ZNF772: variants seen among roughly 807,000 people sequenced by gnomAD.
ZNF772 encodes the protein zinc finger protein 772.
A neutral mutation model predicts 11.0 loss-of-function variants in ZNF772; 8 were observed. The observed-to-expected ratio is 0.73, with a 90% CI of 0.43 to 1.31. ZNF772 has a LOEUF of 1.31. ZNF772 is among the 50% of genes most tolerant of loss of function. ZNF772 has a pLI of 0.01. For synonymous variants in ZNF772, 155 were observed against 180.4 expected, an observed-to-expected ratio of 0.86 and a Z score of 1.13; for missense variants, 496 against 552.3, an observed-to-expected ratio of 0.90 and a Z score of 1.02.
At position 57,475,171 on chromosome 19, in the gene ZNF772, G is replaced by C. The variant is rs750218631; in HGVS notation, c.199+489C>G. The C allele has an allele frequency of 6.2e-7, 1 of 1,613,482 alleles. No homozygotes were observed. Among genetic ancestry groups the C allele is most frequent in the Non-Finnish European group, 8.5e-7 (1 of 1,179,670 alleles). ...CCTAAGGGAAAGATAGAACAGCACT[G>C]GTCTGGGTAACCCATATAGAAAACT... On this transcript the variant is annotated intron_variant, in intron 3 of 3. Coordinates refer to ENST00000356584, the MANE Select transcript of ZNF772 (RefSeq NM_001144068.2). The surrounding 1 kb of genome is among the most constrained non-coding windows in gnomAD (Gnocchi z 4.2).
chr19:57,475,836 C>T lies in ZNF772; in HGVS notation c.73-50G>A. ...CCATGAGCAGCATCTCTCCCAAGAA[C>T]CCCCATCCGTGCCCCCACACATCTC... On this transcript the variant is annotated intron_variant, in intron 2 of 3. Coordinates refer to ENST00000356584, the MANE Select transcript of ZNF772 (RefSeq NM_001144068.2). The surrounding 1 kb of genome is among the most constrained non-coding windows in gnomAD (Gnocchi z 4.2). The T allele has an allele frequency of 6.4e-7, 1 of 1,554,878 alleles. No individual in the cohort carries two copies. Among genetic ancestry groups the T allele is most frequent in the African/African-American group, 1.4e-5 (1 of 73,232 alleles).
chr19:57,473,933 A>G lies in ZNF772; in HGVS notation c.688T>C (p.Cys230Arg). 1 of 1,614,202 alleles carries G rather than the reference A, an allele frequency of 6.2e-7. No individual in the cohort carries two copies. The highest frequency in any genetic ancestry group is 8.5e-7 in the Non-Finnish European group (1 of 1,180,036). The change falls in exon 4 of 4, where the codon TGT (cysteine) becomes CGT (arginine). Residue 230 changes from cysteine (C) to arginine (R), a missense_variant. Physicochemically the swap from Cys to Arg is radical, Grantham distance 180. Coordinates refer to ENST00000356584, the MANE Select transcript of ZNF772 (RefSeq NM_001144068.2). ...CGKRHYKCSECGKTFSRKDSL... is the reference protein window; with the variant it reads ...CGKRHYKCSERGKTFSRKDSL... ...TCTTTGCGGCTGAAGGTTTTCCCAC[A>G]TTCACTGCATTTGTAATGCCTTTTT...
Position 57,474,484 on chromosome 19 carries a change from T to A in ZNF772, c.200-63A>T. On this transcript the variant is annotated intron_variant, in intron 3 of 3. Transcript: ENST00000356584. ...ACAGGTGGAAGAGGGGAAGCCTCAC[T>A]ACAAATATGTGTCTAACACAACTAA... is the stretch of plus-strand genomic sequence containing the variant. The A allele has an allele frequency of 4.0e-6, 6 of 1,499,782 alleles. No individual in the cohort carries two copies. In the South Asian group the frequency reaches 7.5e-5, roughly 19 times the overall value. 92.9% of individuals were successfully genotyped at this position (1,499,782 alleles called of 1,614,324 possible). A position where few individuals can be genotyped will look rare whatever the true frequency, so the allele number is the denominator to read the frequency against.
Position 57,475,230 on chromosome 19 carries a change from T to C in ZNF772, c.199+430A>G. Reference sequence around the variant, plus strand: ...TTAAAATAATCTCAGAGTAAGGTCTTGCAGGAATAGTGCAGTGGTCCTAGC... The same window carrying C: ...TTAAAATAATCTCAGAGTAAGGTCTCGCAGGAATAGTGCAGTGGTCCTAGC... On this transcript the variant is annotated intron_variant, in intron 3 of 3. Coordinates refer to ENST00000356584, the MANE Select transcript of ZNF772 (RefSeq NM_001144068.2). This position sits in a 1 kb window ranked among gnomAD's most constrained non-coding sequence, Gnocchi z 4.2. 1.3e-6 allele frequency: 2 copies of C among 1,537,418 alleles called. No individual in the cohort carries two copies. The highest frequency in any genetic ancestry group is 1.8e-6 in the Non-Finnish European group (2 of 1,131,204).
Position 57,473,405 on chromosome 19 carries a change from G to T in ZNF772, c.1216C>A (p.His406Asn). ...SECGKAFSHK[H>N]VLVQHHRIHT... ...ATTCTATGATGCTGAACAAGTACAT[G>T]TTTGTGGCTAAAGGCTTTTCCACAT... The change falls in exon 4 of 4, where the codon CAT (histidine) becomes AAT (asparagine). Residue 406 changes from histidine to asparagine, a missense_variant. Transcript: ENST00000356584. 5 of 1,613,366 alleles carry T rather than the reference G, an allele frequency of 3.1e-6. No individual in the cohort carries two copies. Among genetic ancestry groups the T allele is most frequent in the Non-Finnish European group, 4.2e-6 (5 of 1,179,840 alleles).
chr19:57,474,356 G>C lies in ZNF772; in HGVS notation c.265C>G (p.Gln89Glu). ...GGACCTCCCTTGGGAATCCTGATCT[G>C]TGACATTCCTATAGAAAAGCTCTGC... ...FEQSFSIGMS[Q>E]IRIPKGGPST... Residue 89 changes from glutamine to glutamate, a missense_variant, in exon 4 of 4, where the codon CAG becomes GAG. By Grantham distance (29) the Gln-to-Glu change is conservative. Coordinates refer to ENST00000356584, the MANE Select transcript of ZNF772 (RefSeq NM_001144068.2). 1 of 1,613,230 alleles carries C rather than the reference G, an allele frequency of 6.2e-7. No individual in the cohort carries two copies. Among genetic ancestry groups the C allele is most frequent in the Non-Finnish European group, 8.5e-7 (1 of 1,180,032 alleles).
At position 57,470,013 on chromosome 19, in the gene ZNF772, T is replaced by C. The variant is rs1188301885; in HGVS notation, c.*3261A>G. 1 of 152,094 alleles carries C rather than the reference T, an allele frequency of 6.6e-6. No homozygotes were observed. Among genetic ancestry groups the C allele is most frequent in the Non-Finnish European group, 1.5e-5 (1 of 68,022 alleles). 9.4% of individuals were successfully genotyped at this position (152,094 alleles called of 1,614,324 possible). On this transcript the variant is annotated 3_prime_UTR_variant, in exon 4 of 4. Transcript: ENST00000356584. ...ATATTTAGGAATTAAATAACATACA[T>C]TTAAAAAGAGCCATGTGTCAAGAAG...
rs1481815069 is a variant in ZNF772, at chr19:57,474,032, A to C, written c.589T>G (p.Phe197Val). Residue 197 changes from phenylalanine to valine, a missense_variant, in exon 4 of 4, where the codon TTC becomes GTC. Coordinates refer to ENST00000356584, the MANE Select transcript of ZNF772 (RefSeq NM_001144068.2). The stretch of plus-strand genomic sequence containing the variant: ...TCATTGTGAGGGGCATGGTGCTCGA[A>C]AATGCTTGAGCTGGCTAGGAAGTCC... ...CKDFLASSSI[F>V]EHHAPHNEWK... The C allele has an allele frequency of 6.2e-6, 10 of 1,613,998 alleles. No individual in the cohort carries two copies. Among genetic ancestry groups the C allele is most frequent in the Middle Eastern group, 1.6e-4 (1 of 6,084 alleles).
chr19:57,477,082 T>C (rs561426141), intron 1 of ZNF772, among the ~76,000 whole-genome samples, 195 bp downstream of exon 1: 1 of 151,968 alleles, frequency 6.6e-6, no homozygotes, highest in Non-Finnish European at 1.5e-5. Context: ...GAACCATCTC[T>C]GAGCCTTTGC....
chr19:57,470,388 G>C lies in ZNF772; in HGVS notation c.*2886C>G, dbSNP rs2089200864. On this transcript the variant is annotated 3_prime_UTR_variant, in exon 4 of 4. Coordinates refer to ENST00000356584, the MANE Select transcript of ZNF772 (RefSeq NM_001144068.2). ...AAAAAAAAAAATGAAACCACATCAA[G>C]CTTGATGGGAGGTAATTAAAGCAGT... The C allele has an allele frequency of 6.6e-6, 1 of 151,960 alleles. No individual in the cohort carries two copies. Among genetic ancestry groups the C allele is most frequent in the African/African-American group, 2.4e-5 (1 of 41,362 alleles). The allele number at this position is 151,960 out of a possible 1,614,324, so 9.4% of individuals were successfully genotyped here.
In ZNF772 at chr19:57,471,286, G is replaced by A. The variant is rs1484502136; in HGVS notation, c.*1988C>T. ...CAAGCAAGCAAGAAAGAAAGTTAGG[G>A]ACAAATATCACTCGTGAACATTGGT... On this transcript the variant is annotated 3_prime_UTR_variant, in exon 4 of 4. Transcript: ENST00000356584. The A allele has an allele frequency of 6.6e-6, 1 of 151,948 alleles. No homozygotes were observed. The highest frequency in any genetic ancestry group is 1.5e-5 in the Non-Finnish European group (1 of 67,992). The allele number at this position is 151,948 out of a possible 1,614,324, so 9.4% of individuals were successfully genotyped here. A position where few individuals can be genotyped will look rare whatever the true frequency, so the allele number is the denominator to read the frequency against.
Position 57,473,488 on chromosome 19 carries a change from G to C in ZNF772, c.1133C>G (p.Ser378Cys). ...AACTCTTTGATGTGCAATAAGGTCA[G>C]AGCTTTGGCTAAAGAACTTCCCACA... The part of the protein sequence containing the change: ...IACGKFFSQS[S>C]DLIAHQRVHN... Residue 378 changes from serine (S) to cysteine (C), a missense_variant, in exon 4 of 4, where the codon TCT becomes TGT. Physicochemically the swap from Ser to Cys is moderately radical, Grantham distance 112. Transcript: ENST00000356584. 3 of 1,614,236 alleles carry C rather than the reference G, an allele frequency of 1.9e-6. No individual in the cohort carries two copies. Among genetic ancestry groups the C allele is most frequent in the Non-Finnish European group, 2.5e-6 (3 of 1,180,048 alleles).
Position 57,473,448 on chromosome 19 carries a change from C to A in ZNF772, c.1173G>T (p.Lys391Asn), listed in dbSNP as rs543649591. ...IAHQRVHNGE[K>N]PYVCSECGKA... ...TTCCACATTCACTGCACACATAAGG[C>A]TTTTCACCATTATGAACTCTTTGAT... Residue 391 changes from lysine (K) to asparagine (N), a missense_variant, in exon 4 of 4, where the codon AAG (lysine) becomes AAT (asparagine). Transcript: ENST00000356584. 6.2e-7 allele frequency: 1 copy of A among 1,614,038 alleles called. No individual in the cohort carries two copies. Among genetic ancestry groups the A allele is most frequent in the African/African-American group, 1.3e-5 (1 of 74,914 alleles).
In ZNF772 at chr19:57,475,794, A is replaced by G; in HGVS notation, c.73-8T>C. ...CTCAAAGTTCACCTGCCCCTGCCACAATCAGGAGAGCCAAGTCCATGAGCA... is the reference window on the plus strand; with the variant it reads ...CTCAAAGTTCACCTGCCCCTGCCACGATCAGGAGAGCCAAGTCCATGAGCA... On this transcript the variant is annotated splice_polypyrimidine_tract_variant and splice_region_variant and intron_variant, in intron 2 of 3. Transcript: ENST00000356584. This position sits in a 1 kb window ranked among gnomAD's most constrained non-coding sequence, Gnocchi z 4.2. 1 of 1,591,426 alleles carries G rather than the reference A, an allele frequency of 6.3e-7. No individual in the cohort carries two copies. Among genetic ancestry groups the G allele is most frequent in the Non-Finnish European group, 8.6e-7 (1 of 1,169,124 alleles).
intron 2 of ZNF772, 197 bp downstream of exon 2, chr19:57,476,437 C>T (rs1043170811): frequency 1.7e-5 from 11 of 637,220 alleles, no homozygotes; most frequent in Non-Finnish European, 3.1e-5. Context: ...CAACCTTATT[C>T]CAATGGTTGG....
At position 57,471,991 on chromosome 19, in the gene ZNF772, C is replaced by T; in HGVS notation, c.*1283G>A. On this transcript the variant is annotated 3_prime_UTR_variant, in exon 4 of 4. Transcript: ENST00000356584. ...TGAGAAGTGCCAACATGTATCAAAA[C>T]TTATCAAATGGTACACTATAAATAT... The T allele has an allele frequency of 3.1e-6, 1 of 321,718 alleles. No homozygotes were observed. 19.9% of individuals were successfully genotyped at this position (321,718 alleles called of 1,614,324 possible).
intron 2 of ZNF772, 81 bp downstream of exon 2, chr19:57,476,553 G>C (rs2089285996): frequency 6.0e-6 from 9 of 1,504,902 alleles, no homozygotes; most frequent in Admixed American, 3.4e-5. Context: ...TAGCAGGAGA[G>C]TGTTCTATAT....
chr19:57,476,582 A>G (rs754260087), intron 2 of ZNF772, 52 bp downstream of exon 2: 4 of 1,576,362 alleles, frequency 2.5e-6, no homozygotes, highest in Non-Finnish European at 3.5e-6. Flanking sequence ...AATGCTGGAG[A>G]GCGTATTGGG....
chr19:57,472,246 G>A lies in ZNF772; in HGVS notation c.*1028C>T. On this transcript the variant is annotated 3_prime_UTR_variant, in exon 4 of 4. Transcript: ENST00000356584. ...ACTATGATTCCTACCTGGGCCTTCTGGAGGACAGCCAATATCAACTGCCTA... is the reference window on the plus strand; with the variant it reads ...ACTATGATTCCTACCTGGGCCTTCTAGAGGACAGCCAATATCAACTGCCTA... 4.4e-6 allele frequency: 2 copies of A among 450,520 alleles called. No individual in the cohort carries two copies. Among genetic ancestry groups the A allele is most frequent in the South Asian group, 3.2e-5 (2 of 63,486 alleles). The allele number at this position is 450,520 out of a possible 1,614,324, so 27.9% of individuals were successfully genotyped here.
Sources: gnomAD v4.1 joint callset for allele counts (sites outside exome capture counted in the v4.1 genomes callset) on GRCh38, gnomAD v4.1.1 for gene constraint, Gnocchi (gnomAD v3.1) non-coding constraint, MANE v1.5 for transcripts, NCBI Gene and HGNC (gene_info 2026-07-23, HGNC 2026-07-21) for gene names.